Variants in LZTS1 observed in about 807,000 individuals in gnomAD.
The protein encoded by LZTS1 is leucine zipper tumor suppressor 1, also known as leucine zipper putative tumor suppressor 1.
A neutral mutation model predicts 45.8 loss-of-function variants in LZTS1; 31 were observed. The ratio of observed to expected loss-of-function variants is 0.68; its 90% CI spans 0.51 to 0.91. LZTS1 has a LOEUF of 0.91. LZTS1 is among the 40% of genes least tolerant of loss of function. The pLI is 0.00. For missense variants in LZTS1, 821 were observed against 788.9 expected, an observed-to-expected ratio of 1.04 and a Z score of -0.49; for synonymous variants, 359 against 357.3, an observed-to-expected ratio of 1.00 and a Z score of -0.05.
In LZTS1 at chr8:20,270,321, C is replaced by A. The variant is rs889681919; in HGVS notation, c.-134-15006G>T. On this transcript the variant is annotated intron_variant, in intron 1 of 3. Transcript: ENST00000381569. Reference sequence around the variant, plus strand: ...GCATAGGTGGAGGGGGAAGAGCATTCTATGCTGAGAGGCGCTGCTACAAAA... The same window carrying A: ...GCATAGGTGGAGGGGGAAGAGCATTATATGCTGAGAGGCGCTGCTACAAAA... Among the ~76,000 whole-genome samples, 4 of 152,184 alleles carry A rather than the reference C, an allele frequency of 2.6e-5. No individual in the cohort carries two copies. The South Asian group carries it at 6.2e-4, about 24-fold the overall frequency.
At position 20,249,542 on chromosome 8, in the gene LZTS1, G is replaced by C; in HGVS notation, c.*180C>G. On this transcript the variant is annotated 3_prime_UTR_variant, in exon 4 of 4. Transcript: ENST00000381569. ...ACGTCTGGTGGGCTGCAGGGCTGGT[G>C]AGCACTGGGACATCAGAGAGGGAAG... The C allele has an allele frequency of 1.4e-6, 1 of 713,656 alleles. No homozygotes were observed. The highest frequency in any genetic ancestry group is 2.3e-6 in the Non-Finnish European group (1 of 443,408). The allele number at this position is 713,656 out of a possible 1,614,324, so 44.2% of individuals were successfully genotyped here. A position where few individuals can be genotyped will look rare whatever the true frequency, so the allele number is the denominator to read the frequency against.
At chr8:20,251,293 CTG>C (rs1372283216) in intron 3 of LZTS1, among the ~76,000 whole-genome samples, 1 of 151,812 alleles carries the variant, frequency 6.6e-6, no homozygotes, top group African/African-American at 2.4e-5. Context: ...TCAGCCATGA[CTG>C]TGTCACTCCC....
chr8:20,283,054 G>GC (rs914816978), intron 1 of LZTS1, among the ~76,000 whole-genome samples: 1 of 152,150 alleles, frequency 6.6e-6, no homozygotes, highest in Admixed American at 6.5e-5. Context: ...GCCTGACTGG[G>GC]CTTGAGAAGA....
chr8:20,254,912 T>C lies in LZTS1; in HGVS notation c.270A>G (p.Leu90=), dbSNP rs1800054609. The change falls in exon 2 of 4, where the codon TTA becomes TTG. Residue 90 remains leucine, a synonymous_variant. Coordinates refer to ENST00000381569, the MANE Select transcript of LZTS1 (RefSeq NM_021020.5). ...PDYTALSSGD[L]GGQAGVDFDP... is the part of the protein sequence containing the mutation. The stretch of plus-strand genomic sequence containing the variant: ...CAAAGTCCACCCCAGCCTGGCCCCC[T>C]AAATCCCCGCTGGACAGTGCCGTGT... 6.2e-7 allele frequency: 1 copy of C among 1,614,048 alleles called. No individual in the cohort carries two copies. The highest frequency in any genetic ancestry group is 8.5e-7 in the Non-Finnish European group (1 of 1,180,032).
chr8:20,278,750 G>C (rs1438578930), intron 1 of LZTS1, among the ~76,000 whole-genome samples: 1 of 152,178 alleles, frequency 6.6e-6, no homozygotes, highest in Non-Finnish European at 1.5e-5. Flanking sequence ...TGGACTTTCT[G>C]CCTTAGTTCT....
rs768557946 is a variant in LZTS1, at chr8:20,249,921, A to G, written c.1592T>C (p.Val531Ala). ...MSSGFQHERL[V>A]WKEEKEKVIQ... ...CACCTTCTCCTTCTCCTCCTTCCACACGAGCCGCTCATGCTGGAAGCCCGA... is the reference window on the plus strand; with the variant it reads ...CACCTTCTCCTTCTCCTCCTTCCACGCGAGCCGCTCATGCTGGAAGCCCGA... Residue 531 changes from valine to alanine, a missense_variant, in exon 4 of 4, where the codon GTG (valine) becomes GCG (alanine). By Grantham distance (64) the Val-to-Ala change is moderately conservative (BLOSUM62 0). Coordinates refer to ENST00000381569, the MANE Select transcript of LZTS1 (RefSeq NM_021020.5). The G allele has an allele frequency of 5.0e-6, 8 of 1,613,614 alleles. No homozygotes were observed. Among genetic ancestry groups the G allele is most frequent in the Admixed American group, 3.3e-5 (2 of 59,986 alleles).
chr8:20,269,266 C>T (rs1206947842), intron 1 of LZTS1, among the ~76,000 whole-genome samples: 5 of 152,174 alleles, frequency 3.3e-5, no homozygotes, highest in African/African-American at 1.2e-4. Context: ...CCTCTTCTGA[C>T]GACCCGTGAT....
chr8:20,265,919 C>T (rs1367119521), intron 1 of LZTS1, among the ~76,000 whole-genome samples: 1 of 152,142 alleles, frequency 6.6e-6, no homozygotes, highest in Non-Finnish European at 1.5e-5. Flanking sequence ...GAAAGTCTGT[C>T]ACCCCACTTA....
rs147134068 is a variant in LZTS1 at position 20,297,537 on chromosome 8, C to T, written c.-135+6203G>A. On this transcript the variant is annotated intron_variant, in intron 1 of 3. Coordinates refer to ENST00000381569, the MANE Select transcript of LZTS1 (RefSeq NM_021020.5). Reference sequence around the variant, plus strand: ...TCAAGCAATTCTCCCGCCTCAGCCTCCTGAGTAGCTGGGACTACAGGCGTG... The same window carrying T: ...TCAAGCAATTCTCCCGCCTCAGCCTTCTGAGTAGCTGGGACTACAGGCGTG... 7.7e-3 allele frequency among the ~76,000 whole-genome samples: 1,180 copies of T among 152,268 alleles called. 21 individuals are homozygous for T. The highest frequency in any genetic ancestry group is 0.024 in the African/African-American group (994 of 41,548).
chr8:20,279,432 A>G (rs1014882739), intron 1 of LZTS1, among the ~76,000 whole-genome samples: 1 of 152,170 alleles, frequency 6.6e-6, no homozygotes, highest in Non-Finnish European at 1.5e-5. Context: ...ACATCTAGCT[A>G]TTTGCCTCAG....
intron 3 of LZTS1, among the ~76,000 whole-genome samples, chr8:20,252,417 G>T (rs1400237088): frequency 6.6e-6 from 1 of 152,158 alleles, no homozygotes; most frequent in East Asian, 1.9e-4. Context: ...CCCTGGCCCC[G>T]CCTGAACTCA....
Position 20,252,903 on chromosome 8 carries a change from C to T in LZTS1, c.1028G>A (p.Arg343Gln), listed in dbSNP as rs142383987. ...GCTCTCGAGCTCCTGCCGGAGCTGCCGCTTCTCCTGCTGAAGCTGCAGTAC... is the reference window on the plus strand; with the variant it reads ...GCTCTCGAGCTCCTGCCGGAGCTGCTGCTTCTCCTGCTGAAGCTGCAGTAC... Reference protein sequence around the residue: ...LQVLQLQQEKRQLRQELESLM... With the variant: ...LQVLQLQQEKQQLRQELESLM... The change falls in exon 3 of 4, where the codon CGG (arginine) becomes CAG (glutamine). Residue 343 changes from arginine to glutamine, a missense_variant. Transcript: ENST00000381569. 277 of 1,610,406 alleles carry T rather than the reference C, an allele frequency of 1.7e-4. No homozygotes were observed. The highest frequency in any genetic ancestry group is 2.0e-4 in the Non-Finnish European group (234 of 1,178,964).
rs1563851104 is a variant in LZTS1 at position 20,251,150 on chromosome 8, A to ATATATATAT, written c.1150-788_1150-787insATATATATA. Among the ~76,000 whole-genome samples, 356 of 78,906 alleles carry ATATATATAT rather than the reference A, an allele frequency of 4.5e-3. 59 individuals carry two copies. The highest frequency in any genetic ancestry group is 0.016 in the Middle Eastern group (2 of 128). The allele number at this position is 78,906 out of a possible 152,430, so 51.8% of individuals were successfully genotyped here. A position where few individuals can be genotyped will look rare whatever the true frequency, so the allele number is the denominator to read the frequency against. ...ATATATATATATATATATATATATA[A>ATATATATAT]AATATAAAGTATAAGAGTAGAGATT... On this transcript the variant is annotated intron_variant, in intron 3 of 3. Coordinates refer to ENST00000381569, the MANE Select transcript of LZTS1 (RefSeq NM_021020.5).
intron 1 of LZTS1, among the ~76,000 whole-genome samples, chr8:20,281,148 G>A (rs928430240): frequency 6.6e-6 from 1 of 152,216 alleles, no homozygotes; most frequent in Non-Finnish European, 1.5e-5. Context: ...ATTGTGAGAT[G>A]GGAGAGGATA....
intron 1 of LZTS1, among the ~76,000 whole-genome samples, chr8:20,277,785 C>T (rs1000205076): frequency 3.3e-5 from 5 of 152,302 alleles, no homozygotes; most frequent in African/African-American, 1.2e-4. Flanking sequence ...AGATCCAAAA[C>T]AGCAGGATTT....
intron 1 of LZTS1, among the ~76,000 whole-genome samples, chr8:20,288,749 C>T (rs7012277): frequency 0.067 from 10,144 of 152,134 alleles, 373 homozygotes; most frequent in Middle Eastern, 0.13. Context: ...GAACTCACCC[C>T]AACTCTGCGC....
At chr8:20,273,440 G>A (rs186973666) in intron 1 of LZTS1, among the ~76,000 whole-genome samples, 4 of 152,142 alleles carry the variant, frequency 2.6e-5, no homozygotes, top group Admixed American at 6.5e-5. Context: ...CGCTTCCCTC[G>A]GAGGGGCCAC....
intron 1 of LZTS1, among the ~76,000 whole-genome samples, chr8:20,299,693 T>A (rs1224520812): frequency 6.6e-6 from 1 of 151,472 alleles, no homozygotes; most frequent in Non-Finnish European, 1.5e-5. Flanking sequence ...AACAGGGCGA[T>A]GGAAAGGAGA....
intron 1 of LZTS1, among the ~76,000 whole-genome samples, chr8:20,260,195 C>A (rs1800196782): frequency 6.6e-6 from 1 of 152,150 alleles, no homozygotes; most frequent in Non-Finnish European, 1.5e-5. Flanking sequence ...AGCCACCACA[C>A]CCAGTCATAT....
Sources: allele counts gnomAD v4.1 joint callset (sites outside exome capture counted in the v4.1 genomes callset), GRCh38; gene constraint gnomAD v4.1.1; transcripts MANE v1.5; gene names NCBI Gene and HGNC (gene_info 2026-07-23, HGNC 2026-07-21).